Variants in KCNQ1 observed in about 807,000 individuals in gnomAD.
KCNQ1 encodes potassium voltage-gated channel subfamily KQT member 1.
Under a neutral mutation model 72.4 loss-of-function variants are expected in KCNQ1, and 49 were observed. The ratio of observed to expected loss-of-function variants is 0.68; its 90% confidence interval spans 0.54 to 0.86. KCNQ1 has a LOEUF of 0.86. Ranked by LOEUF, KCNQ1 falls within the 40% of genes least tolerant of loss-of-function variation. The pLI is 0.00. For missense variants in KCNQ1, 790 were observed against 945.1 expected, an observed-to-expected ratio of 0.84 and a Z score of 2.15; for synonymous variants, 450 against 412.6, an observed-to-expected ratio of 1.09 and a Z score of -1.10.
Position 2,516,601 on chromosome 11 carries a change from C to A in KCNQ1, c.387-11327C>A, listed in dbSNP as rs533924824. ...GATTGTGTAGCGGGTCCCCTGAAAC[C>A]AACACACAGGTGCAGACACCCACAT... On this transcript the variant is annotated intron_variant, in intron 1 of 15. Coordinates refer to ENST00000155840, the MANE Select transcript of KCNQ1 (RefSeq NM_000218.3). This position sits in a 1 kb window ranked among gnomAD's most constrained non-coding sequence, Gnocchi z 7.0. Among the ~76,000 whole-genome samples, 26 of 152,270 alleles carry A rather than the reference C, an allele frequency of 1.7e-4. 1 individual carries two copies. The highest frequency in any genetic ancestry group is 5.3e-4 in the African/African-American group (22 of 41,544).
chr11:2,764,457 G>C lies in KCNQ1; in HGVS notation c.1515-4387G>C, dbSNP rs1846460211. ...CATGCAGCTTGCTGGTGGTGGTTAG[G>C]ATATTTGCACGTATGTTCACGAGAG... is the stretch of plus-strand genomic sequence containing the variant. On this transcript the variant is annotated intron_variant, in intron 11 of 15. Coordinates refer to ENST00000155840, the MANE Select transcript of KCNQ1 (RefSeq NM_000218.3). The surrounding 1 kb of genome is among the most constrained non-coding windows in gnomAD (Gnocchi z 4.8). Among the ~76,000 whole-genome samples, 1 of 152,020 alleles carries C rather than the reference G, an allele frequency of 6.6e-6. No individual in the cohort carries two copies. The highest frequency in any genetic ancestry group is 2.1e-4 in the South Asian group (1 of 4,824).
At chr11:2,519,107 G>A (rs917508057) in intron 1 of KCNQ1, among the ~76,000 whole-genome samples, 8 of 152,258 alleles carry the variant, frequency 5.3e-5, no homozygotes, top group African/African-American at 1.7e-4. Context: ...CAATGGTTGG[G>A]GGGCAGCTGT....
chr11:2,606,133 G>T (rs1848874872), intron 10 of KCNQ1, among the ~76,000 whole-genome samples: 1 of 152,074 alleles, frequency 6.6e-6, no homozygotes, highest in Admixed American at 6.6e-5. Flanking sequence ...CTTTTTTGAT[G>T]TTATACATGG....
chr11:2,499,652 G>T (rs908497889), intron 1 of KCNQ1, among the ~76,000 whole-genome samples: 1 of 151,634 alleles, frequency 6.6e-6, no homozygotes, highest in Non-Finnish European at 1.5e-5. Flanking sequence ...AACCAGAAAA[G>T]ATCAGGAGTA....
At position 2,603,749 on chromosome 11, in the gene KCNQ1, G is replaced by A. The variant is rs187584579; in HGVS notation, c.1393+14895G>A. 7.1e-3 allele frequency among the ~76,000 whole-genome samples: 1,076 copies of A among 151,936 alleles called. 12 individuals are homozygous for A. Among genetic ancestry groups the A allele is most frequent in the African/African-American group, 0.025 (1,029 of 41,446 alleles). ...TCTGTCGCCCAGGCTGGAGTGCAGT[G>A]GCGCGATGTCGGCTCACTGCAACCT... On this transcript the variant is annotated intron_variant, in intron 10 of 15. Coordinates refer to ENST00000155840, the MANE Select transcript of KCNQ1 (RefSeq NM_000218.3). This position sits in a 1 kb window ranked among gnomAD's most constrained non-coding sequence, Gnocchi z 4.1.
chr11:2,552,376 A>T (rs549063946), intron 2 of KCNQ1, among the ~76,000 whole-genome samples: 4 of 152,316 alleles, frequency 2.6e-5, no homozygotes, highest in African/African-American at 9.6e-5. Context: ...ACCTTTGATG[A>T]AAATCAGTTG....
In KCNQ1 at chr11:2,595,148, G is replaced by A. The variant is rs1848717463; in HGVS notation, c.1393+6294G>A. On this transcript the variant is annotated intron_variant, in intron 10 of 15. Transcript: ENST00000155840. The surrounding 1 kb of genome is among the most constrained non-coding windows in gnomAD (Gnocchi z 5.0). Reference sequence around the variant, plus strand: ...CAATCTCCTGTGAGAGCAAGTCTAAGTAACATATATTGAGAAGAGAGTTTT... The same window carrying A: ...CAATCTCCTGTGAGAGCAAGTCTAAATAACATATATTGAGAAGAGAGTTTT... Among the ~76,000 whole-genome samples, 1 of 152,134 alleles carries A rather than the reference G, an allele frequency of 6.6e-6. No individual in the cohort carries two copies. The highest frequency in any genetic ancestry group is 2.4e-5 in the African/African-American group (1 of 41,430).
At position 2,588,216 on chromosome 11, in the gene KCNQ1, C is replaced by G. The variant is rs1848621794; in HGVS notation, c.1252-497C>G. Among the ~76,000 whole-genome samples, 2 of 152,072 alleles carry G rather than the reference C, an allele frequency of 1.3e-5. No individual in the cohort carries two copies. The highest frequency in any genetic ancestry group is 1.3e-4 in the Admixed American group (2 of 15,278). On this transcript the variant is annotated intron_variant, in intron 9 of 15. Coordinates refer to ENST00000155840, the MANE Select transcript of KCNQ1 (RefSeq NM_000218.3). The surrounding 1 kb of genome is among the most constrained non-coding windows in gnomAD (Gnocchi z 5.6). ...GCTGACGCTGGCATGGTTCCCCTTC[C>G]TGGCCCGTGCCCACCCCCTGTGGAG...
intron 11 of KCNQ1, chr11:2,697,342 TAA>T (rs1198917106): frequency 1.3e-4 from 53 of 398,636 alleles, no homozygotes; most frequent in Middle Eastern, 6.3e-4. Context: ...TGAGCTACAC[TAA>T]GTTTTATCAC....
In KCNQ1 at chr11:2,445,171, C is replaced by T; in HGVS notation, c.73C>T (p.Arg25Trp). The change falls in exon 1 of 16, where the codon CGG (arginine) becomes TGG (tryptophan). Residue 25 changes from arginine (R) to tryptophan (W), a missense_variant. By Grantham distance (101) the Arg-to-Trp change is moderately radical. Coordinates refer to ENST00000155840, the MANE Select transcript of KCNQ1 (RefSeq NM_000218.3). ...TTGGGGCCGCCTGCCAGGCGCCCGG[C>T]GGGGCAGCGCGGGCCTGGCCAAGAA... ...WGWGRLPGARRGSAGLAKKCP... is the reference protein window; with the variant it reads ...WGWGRLPGARWGSAGLAKKCP... 1.8e-6 allele frequency: 2 copies of T among 1,132,394 alleles called. No homozygotes were observed. Among genetic ancestry groups the T allele is most frequent in the Non-Finnish European group, 2.2e-6 (2 of 921,456 alleles). The allele number at this position is 1,132,394 out of a possible 1,614,324, so 70.1% of individuals were successfully genotyped here.
At chr11:2,760,052 C>T (rs1274833955) in intron 11 of KCNQ1, among the ~76,000 whole-genome samples, 1 of 152,246 alleles carries the variant, frequency 6.6e-6, no homozygotes, top group African/African-American at 2.4e-5. Flanking sequence ...TCTGCTTTCC[C>T]ACAGTGTCCT....
intron 11 of KCNQ1, among the ~76,000 whole-genome samples, chr11:2,741,977 G>A (rs981877803): frequency 2.0e-5 from 3 of 152,372 alleles, no homozygotes; most frequent in East Asian, 1.9e-4. Flanking sequence ...GCGGGCTGCC[G>A]CCTTGTAACC....
At position 2,515,481 on chromosome 11, in the gene KCNQ1, A is replaced by T. The variant is rs1220322813; in HGVS notation, c.387-12447A>T. Among the ~76,000 whole-genome samples the T allele has an allele frequency of 6.8e-6, 1 of 146,976 alleles. No homozygotes were observed. Among genetic ancestry groups the T allele is most frequent in the Non-Finnish European group, 1.5e-5 (1 of 66,668 alleles). ...GAGGCCCCTGCTGCCCAGCAAGACC[A>T]CCACCCTCTGCTCCAGGACAGCGCA... On this transcript the variant is annotated intron_variant, in intron 1 of 15. Transcript: ENST00000155840. This position sits in a 1 kb window ranked among gnomAD's most constrained non-coding sequence, Gnocchi z 4.7.
intron 15 of KCNQ1, among the ~76,000 whole-genome samples, chr11:2,807,417 CCGCCCG>C (rs1463764401): frequency 2.6e-5 from 4 of 152,240 alleles, no homozygotes; most frequent in Non-Finnish European, 5.9e-5. Flanking sequence ...CGGGACTGTG[CCGCCCG>C]CGGTCGCTGC....
chr11:2,639,580 C>T (rs1213921076), intron 10 of KCNQ1: 2 of 152,480 alleles, frequency 1.3e-5, no homozygotes, highest in Non-Finnish European at 2.9e-5. Flanking sequence ...GAAGCTTCGT[C>T]TCAGAGGAGT....
intron 10 of KCNQ1, chr11:2,632,996 T>G: frequency 2.5e-6 from 1 of 398,502 alleles, no homozygotes; most frequent in Middle Eastern, 6.3e-4. Context: ...AACACCACAG[T>G]ATTTTCCATA....
intron 11 of KCNQ1, chr11:2,684,305 TC>T (rs1448081701): frequency 7.5e-6 from 3 of 398,482 alleles, no homozygotes; most frequent in Non-Finnish European, 1.3e-5. Flanking sequence ...ACTCATTTCT[TC>T]CCTGCAGTCT....
At chr11:2,453,808 A>G (rs1353769116) in intron 1 of KCNQ1, among the ~76,000 whole-genome samples, 1 of 152,238 alleles carries the variant, frequency 6.6e-6, no homozygotes, top group Non-Finnish European at 1.5e-5. Context: ...GCTGCTTGTG[A>G]AAGTACTGTT....
chr11:2,519,755 A>T (rs1847348797), intron 1 of KCNQ1, among the ~76,000 whole-genome samples: 1 of 141,482 alleles, frequency 7.1e-6, no homozygotes, highest in African/African-American at 2.7e-5. Context: ...AAATACTTAC[A>T]TAGTACAGCA....
Sources: allele counts gnomAD v4.1 joint callset (sites outside exome capture counted in the v4.1 genomes callset), GRCh38; gene constraint gnomAD v4.1.1; non-coding constraint Gnocchi (gnomAD v3.1); transcripts MANE v1.5; gene names NCBI Gene and HGNC (gene_info 2026-07-23, HGNC 2026-07-21).